The following PSD3 variants were observed in gnomAD, a reference collection of about 807,000 sequenced individuals.
PSD3 encodes the protein PH and SEC7 domain-containing protein 3.
A neutral mutation model predicts 105.5 loss-of-function variants in PSD3; 49 were observed. The ratio of observed to expected loss-of-function variants is 0.46; its 90% CI spans 0.37 to 0.59. The LOEUF (loss-of-function observed/expected upper bound fraction) is 0.59. PSD3 is among the 20% of genes least tolerant of loss of function. The pLI is 0.00. For synonymous variants in PSD3, 557 were observed against 457.8 expected (o/e 1.22, Z -2.77); for missense variants, 1,561 against 1,263.8 (o/e 1.24, Z -3.57).
At chr8:18,555,794 T>A (rs936117232) in intron 15 of PSD3, among the ~76,000 whole-genome samples, 1 of 152,166 alleles carries the variant, frequency 6.6e-6, no homozygotes, top group Non-Finnish European at 1.5e-5. Context: ...ACAGCAAGAA[T>A]GTGCAGGGAA....
At chr8:18,735,627 C>A (rs1361586179) in intron 9 of PSD3, among the ~76,000 whole-genome samples, 1 of 152,112 alleles carries the variant, frequency 6.6e-6, no homozygotes, top group Non-Finnish European at 1.5e-5. Context: ...TTACTGGCAA[C>A]CTCAAGTGGG....
At chr8:18,961,016 A>T (rs931114970) in intron 1 of PSD3, among the ~76,000 whole-genome samples, 2 of 152,056 alleles carry the variant, frequency 1.3e-5, no homozygotes, top group Admixed American at 1.3e-4. Context: ...GAACCCAGGG[A>T]GGTCGATGCT....
intron 12 of PSD3, among the ~76,000 whole-genome samples, chr8:18,586,903 G>A (rs919092759): frequency 1.3e-5 from 2 of 152,162 alleles, no homozygotes; most frequent in African/African-American, 4.8e-5. Flanking sequence ...TGGATGTAGA[G>A]CCTGAGTGTG....
intron 2 of PSD3, among the ~76,000 whole-genome samples, chr8:18,922,363 G>T (rs1438039048): frequency 6.6e-6 from 1 of 152,164 alleles, no homozygotes; most frequent in Non-Finnish European, 1.5e-5. Flanking sequence ...CATGAAAAAA[G>T]TTTGACCTCA....
chr8:18,805,672 A>T (rs185643391), intron 4 of PSD3, among the ~76,000 whole-genome samples: 1 of 152,192 alleles, frequency 6.6e-6, no homozygotes, highest in Non-Finnish European at 1.5e-5. Flanking sequence ...AACATCACAC[A>T]TTGGTTATCT....
rs144084738 is a variant in PSD3 at position 18,578,203 on chromosome 8, G to C, written c.2482-2918C>G. ...CTTAGGATTCAGGATTTTTTGCTAG[G>C]CTATGCCTTACTTTTCTTAGCCATC... On this transcript the variant is annotated intron_variant, in intron 12 of 15. Transcript: ENST00000327040. Among the ~76,000 whole-genome samples the C allele has an allele frequency of 3.1e-3, 476 of 151,892 alleles. 3 individuals are homozygous for C. The highest frequency in any genetic ancestry group is 0.011 in the African/African-American group (458 of 41,436).
At chr8:18,905,347 G>A (rs1033668112) in intron 2 of PSD3, among the ~76,000 whole-genome samples, 8 of 151,954 alleles carry the variant, frequency 5.3e-5, no homozygotes, top group African/African-American at 1.2e-4. Context: ...TGTTTGAGAC[G>A]GAGTCTTGCT....
chr8:19,038,098 G>A (rs556618684), intron 1 of PSD3, among the ~76,000 whole-genome samples: 130 of 152,050 alleles, frequency 8.5e-4, no homozygotes, highest in African/African-American at 3.1e-3. Flanking sequence ...CCTGTGCAGT[G>A]CTTATCAAAC....
At position 18,811,119 on chromosome 8, in the gene PSD3, T is replaced by C. The variant is rs775284677; in HGVS notation, c.1635-6221A>G. Among the ~76,000 whole-genome samples, 85 of 152,168 alleles carry C rather than the reference T, an allele frequency of 5.6e-4. 1 individual carries two copies. Among genetic ancestry groups the C allele is most frequent in the Non-Finnish European group, 1.1e-3 (73 of 68,046 alleles). On this transcript the variant is annotated intron_variant, in intron 4 of 15. Coordinates refer to ENST00000327040, the MANE Select transcript of PSD3 (RefSeq NM_015310.4). ...ACCCACCATGGTACCATAAACCTAA[T>C]AGGTTAACAATGGTTAGGCATTTAC... is the stretch of plus-strand genomic sequence containing the variant.
At chr8:18,883,626 G>A (rs922389486) in intron 2 of PSD3, among the ~76,000 whole-genome samples, 1 of 152,144 alleles carries the variant, frequency 6.6e-6, no homozygotes, top group East Asian at 1.9e-4. Context: ...TTAAAGAAAT[G>A]GGCTCAGGGA....
chr8:18,726,303 T>C (rs1803330872), intron 9 of PSD3, among the ~76,000 whole-genome samples: 3 of 152,226 alleles, frequency 2.0e-5, no homozygotes, highest in African/African-American at 7.2e-5. Flanking sequence ...GACATTAAGT[T>C]ACTGAACTTT....
Position 19,013,586 on chromosome 8 carries a change from TC to T in PSD3, c.-4del, listed in dbSNP as rs1170565893. 2 of 1,513,712 alleles carry T rather than the reference TC, an allele frequency of 1.3e-6. No individual in the cohort carries two copies. Among genetic ancestry groups the T allele is most frequent in the African/African-American group, 1.4e-5 (1 of 69,626 alleles). The allele number at this position is 1,513,712 out of a possible 1,614,324, so 93.8% of individuals were successfully genotyped here. A position where few individuals can be genotyped will look rare whatever the true frequency, so the allele number is the denominator to read the frequency against. On this transcript the variant is annotated 5_prime_UTR_variant, in exon 1 of 16. Coordinates refer to ENST00000327040, the MANE Select transcript of PSD3 (RefSeq NM_015310.4). ...ACCGCTGCGCTCCTTCCTTCCATCT[TC>T]CATCGCCAGCCCGGCCGCGCGCCGA... is the stretch of plus-strand genomic sequence containing the variant.
chr8:18,722,264 C>A lies in PSD3; in HGVS notation c.2172+43185G>T, dbSNP rs73593513. 5.5e-3 allele frequency among the ~76,000 whole-genome samples: 831 copies of A among 152,236 alleles called. 8 individuals carry two copies. Among genetic ancestry groups the A allele is most frequent in the African/African-American group, 0.019 (791 of 41,550 alleles). Reference sequence around the variant, plus strand: ...AGTCTTAAGAGATTCCCTAACTAGACAAGAAGCTGGTTGTTCCCTTTTTTA... The same window carrying A: ...AGTCTTAAGAGATTCCCTAACTAGAAAAGAAGCTGGTTGTTCCCTTTTTTA... On this transcript the variant is annotated intron_variant, in intron 9 of 15. Transcript: ENST00000327040.
chr8:18,828,585 G>A (rs75101490), intron 4 of PSD3, among the ~76,000 whole-genome samples: 4,460 of 152,164 alleles, frequency 0.029, 88 homozygotes, highest in Non-Finnish European at 0.044. Context: ...CAGACTGCTC[G>A]AGCCCGGGAG....
chr8:18,863,463 T>C (rs140508314), intron 4 of PSD3, among the ~76,000 whole-genome samples: 1 of 152,280 alleles, frequency 6.6e-6, no homozygotes, highest in African/African-American at 2.4e-5. Flanking sequence ...TCCTCTTTGC[T>C]TCTTCATTGA....
At chr8:18,946,638 G>A (rs538111672) in intron 1 of PSD3, among the ~76,000 whole-genome samples, 4 of 151,516 alleles carry the variant, frequency 2.6e-5, no homozygotes, top group Non-Finnish European at 4.4e-5. Context: ...GGTGGCTCAC[G>A]CCTGTAATCC....
intron 8 of PSD3, among the ~76,000 whole-genome samples, chr8:18,768,356 C>T (rs985145772): frequency 5.3e-5 from 8 of 151,974 alleles, no homozygotes; most frequent in Non-Finnish European, 1.2e-4. Flanking sequence ...TATAATCCCA[C>T]ACTGCCTGGG....
chr8:18,646,711 G>A (rs563062160), intron 10 of PSD3, among the ~76,000 whole-genome samples: 10 of 151,856 alleles, frequency 6.6e-5, no homozygotes, highest in Admixed American at 5.2e-4. Context: ...AAAACTATTC[G>A]TCCTTATGAG....
rs1425917729 is a variant in PSD3 at position 18,726,858 on chromosome 8, C to T, written c.2172+38591G>A. On this transcript the variant is annotated intron_variant, in intron 9 of 15. Transcript: ENST00000327040. ...CATCCCTGTCCTTTATTTCCACTAT[C>T]CAGACAGTCCACCATCTAGGAAATT... is the stretch of plus-strand genomic sequence containing the variant. Among the ~76,000 whole-genome samples the T allele has an allele frequency of 3.9e-5, 6 of 152,192 alleles. No homozygotes were observed. The East Asian group carries it at 9.6e-4, about 24-fold the overall frequency.
Sources: gnomAD v4.1 joint callset for allele counts (sites outside exome capture counted in the v4.1 genomes callset) on GRCh38, gnomAD v4.1.1 for gene constraint, MANE v1.5 for transcripts, NCBI Gene and HGNC (gene_info 2026-07-23, HGNC 2026-07-21) for gene names.